The following CCDC3 variants were observed in gnomAD, a reference collection of about 807,000 sequenced individuals.
The protein encoded by CCDC3 is coiled-coil domain containing 3.
Under a neutral mutation model 21.4 loss-of-function variants are expected in CCDC3, and 24 were observed. The ratio of observed to expected loss-of-function variants is 1.12; its 90% CI spans 0.81 to 1.58. CCDC3 has a LOEUF of 1.58. Among genes scored for constraint, CCDC3 ranks in the 40% most tolerant of loss-of-function variants. The pLI, the probability that CCDC3 is intolerant of heterozygous loss-of-function variation, is 0.00. For missense variants in CCDC3, 425 were observed against 360.9 expected (o/e 1.18, Z -1.44); for synonymous variants, 186 against 166.0 (o/e 1.12, Z -0.93).
intron 5 of CCDC3, among the ~76,000 whole-genome samples, chr10:13,048,827 G>T (rs147517816): frequency 1.2e-4 from 19 of 152,292 alleles, no homozygotes; most frequent in Admixed American, 3.9e-4. Context: ...TAAGGAGTGT[G>T]TGTAAGAGAG....
At chr10:13,073,927 G>A (rs989414468) in exon 4 of CCDC3, 1 of 151,872 alleles carries the variant, frequency 6.6e-6, no homozygotes, top group Non-Finnish European at 1.5e-5. Context: ...AGTACCTAAA[G>A]CTTTGATGTC....
At chr10:12,922,277 C>T (rs1035702005) in intron 2 of CCDC3, among the ~76,000 whole-genome samples, 2 of 152,106 alleles carry the variant, frequency 1.3e-5, no homozygotes, top group Admixed American at 6.5e-5. Flanking sequence ...CCCAAGTTAC[C>T]CGCACTCGGA....
chr10:13,086,406 T>C (rs1368557303), intron 3 of CCDC3, among the ~76,000 whole-genome samples: 1 of 152,210 alleles, frequency 6.6e-6, no homozygotes, highest in Non-Finnish European at 1.5e-5. Context: ...AAGGCAATTG[T>C]TTGGAATATT....
chr10:12,907,383 G>A (rs1834189508), intron 2 of CCDC3, among the ~76,000 whole-genome samples: 2 of 152,138 alleles, frequency 1.3e-5, no homozygotes, highest in Non-Finnish European at 1.5e-5. Context: ...AGTGGCTCAC[G>A]CCTGTAATCC....
chr10:12,955,891 T>G (rs1430371334), intron 2 of CCDC3, among the ~76,000 whole-genome samples: 2 of 152,094 alleles, frequency 1.3e-5, no homozygotes, highest in African/African-American at 4.8e-5. Flanking sequence ...ATATTTTTAG[T>G]AGAGATGGGT....
intron 2 of CCDC3, among the ~76,000 whole-genome samples, chr10:12,904,488 A>AAAAAAAAAAAAAAAC (rs1834142073): frequency 1.3e-5 from 2 of 149,640 alleles, no homozygotes; most frequent in Admixed American, 6.7e-5. Flanking sequence ...AAAAAAAAAA[A>AAAAAAAAAAAAAAAC]AAAGACTGGC....
At chr10:12,901,330 G>A (rs541438091) in intron 2 of CCDC3, among the ~76,000 whole-genome samples, 3 of 152,120 alleles carry the variant, frequency 2.0e-5, no homozygotes, top group South Asian at 2.1e-4. Flanking sequence ...GTGCAGTGGC[G>A]TGATCTTGGC....
At chr10:13,023,372 G>A (rs1418221071) in intron 5 of CCDC3, among the ~76,000 whole-genome samples, 1 of 152,128 alleles carries the variant, frequency 6.6e-6, no homozygotes, top group Non-Finnish European at 1.5e-5. Flanking sequence ...TATTCACATG[G>A]CTGAAAGTTG....
rs1412968137 is a variant in CCDC3, at chr10:12,898,545, C to G, written c.684G>C (p.Leu228Phe). 6.2e-7 allele frequency: 1 copy of G among 1,614,226 alleles called. No homozygotes were observed. Among genetic ancestry groups the G allele is most frequent in the South Asian group, 1.1e-5 (1 of 91,086 alleles). The change falls in exon 3 of 3, where the codon TTG becomes TTC. Residue 228 changes from leucine (L) to phenylalanine (F), a missense_variant. By Grantham distance (22) the Leu-to-Phe change is conservative. Coordinates refer to ENST00000378825, the MANE Select transcript of CCDC3 (RefSeq NM_031455.4). ...GGCGGCCCTTCTTACGCGCCTGCCG[C>G]AAGGACCTCTTGACCTTCTTCACTC... is the stretch of plus-strand genomic sequence containing the variant. ...RERVKKVKRS[L>F]RQARKKGRHL...
Position 12,897,828 on chromosome 10 carries a change from T to A in CCDC3, c.*588A>T, listed in dbSNP as rs1308916377. 1 of 152,524 alleles carries A rather than the reference T, an allele frequency of 6.6e-6. No homozygotes were observed. The highest frequency in any genetic ancestry group is 2.4e-5 in the African/African-American group (1 of 41,452). The allele number at this position is 152,524 out of a possible 1,614,324, so 9.4% of individuals were successfully genotyped here. On this transcript the variant is annotated 3_prime_UTR_variant, in exon 3 of 3. Transcript: ENST00000378825. ...CTGCTCCTAATTCCCTCCCCTGTGA[T>A]GAGCTTATGAAGTCTTCACCTGCCT...
chr10:13,076,446 C>T (rs1332067871), intron 3 of CCDC3, among the ~76,000 whole-genome samples: 1 of 152,202 alleles, frequency 6.6e-6, no homozygotes. Context: ...CAGACCCAGA[C>T]GTAGGAGTGT....
rs371501952 is a variant in CCDC3, at chr10:12,965,101, T to C, written c.549+33237A>G. Reference sequence around the variant, plus strand: ...TGGAGGTGACATCACACCCAAGGTTTGTCACAAGCTATCACTTATTCTGAG... The same window carrying C: ...TGGAGGTGACATCACACCCAAGGTTCGTCACAAGCTATCACTTATTCTGAG... On this transcript the variant is annotated intron_variant, in intron 2 of 2. Coordinates refer to ENST00000378825, the MANE Select transcript of CCDC3 (RefSeq NM_031455.4). 2.0e-5 allele frequency among the ~76,000 whole-genome samples: 3 copies of C among 152,124 alleles called. No homozygotes were observed. The East Asian group carries it at 5.8e-4, about 29-fold the overall frequency.
At chr10:12,969,836 A>C (rs1835315990) in intron 2 of CCDC3, among the ~76,000 whole-genome samples, 1 of 151,874 alleles carries the variant, frequency 6.6e-6, no homozygotes, top group Admixed American at 6.6e-5. Context: ...AATTATGTTA[A>C]GTGAACTAAA....
At chr10:13,016,915 AC>A (rs1836070940) in intron 5 of CCDC3, among the ~76,000 whole-genome samples, 1 of 152,042 alleles carries the variant, frequency 6.6e-6, no homozygotes, top group African/African-American at 2.4e-5. Context: ...AGCCCGAATG[AC>A]CCAGTCCATG....
rs543705986 is a variant in CCDC3 at position 12,998,573 on chromosome 10, T to A, written c.375-61A>T. 2.0e-6 allele frequency: 3 copies of A among 1,520,692 alleles called. No individual in the cohort carries two copies. In the South Asian group the frequency reaches 3.7e-5, roughly 19 times the overall value. 94.2% of individuals were successfully genotyped at this position (1,520,692 alleles called of 1,614,324 possible). On this transcript the variant is annotated intron_variant, in intron 1 of 2. Transcript: ENST00000378825. ...ACAGTCAAGGGTGTACCAGCTCCAA[T>A]CCAGAGTCACAGACAACTGCAACGG...
intron 2 of CCDC3, among the ~76,000 whole-genome samples, chr10:12,936,662 G>C (rs955978263): frequency 6.6e-6 from 1 of 152,252 alleles, no homozygotes. Flanking sequence ...CAAGCACAGA[G>C]GCTTACGCCT....
chr10:12,976,077 A>ACACCCTTGCTCACTCATCCCAGAGT (rs1835413517), intron 2 of CCDC3, among the ~76,000 whole-genome samples: 2 of 152,144 alleles, frequency 1.3e-5, no homozygotes, highest in Non-Finnish European at 2.9e-5. Context: ...CTACCAGCTC[A>ACACCCTTGCTCACTCATCCCAGAGT]CACCCTTGCT....
At chr10:13,008,566 G>T (rs994527627) in intron 5 of CCDC3, among the ~76,000 whole-genome samples, 2 of 152,196 alleles carry the variant, frequency 1.3e-5, no homozygotes, top group African/African-American at 4.8e-5. Flanking sequence ...TATCAAAAAA[G>T]AGAGTTACAT....
chr10:13,017,319 C>G (rs1349769726), intron 5 of CCDC3, among the ~76,000 whole-genome samples: 1 of 151,812 alleles, frequency 6.6e-6, no homozygotes. Flanking sequence ...GAGTTTGCAA[C>G]TAGCCTGGCC....
Sources: allele counts gnomAD v4.1 joint callset (sites outside exome capture counted in the v4.1 genomes callset), GRCh38; gene constraint gnomAD v4.1.1; transcripts MANE v1.5; gene names NCBI Gene and HGNC (gene_info 2026-07-23, HGNC 2026-07-21).